Variants in MPZL2 observed in about 807,000 individuals in gnomAD.
MPZL2 encodes the protein myelin protein zero like 2.
Under a neutral mutation model 24.5 loss-of-function variants are expected in MPZL2, and 32 were observed. The observed-to-expected ratio is 1.31, with a 90% confidence interval of 0.99 to 1.76. The LOEUF is 1.76. Ranked by LOEUF, MPZL2 falls within the 40% of genes most tolerant of loss-of-function variation. The pLI is 0.00. For synonymous variants in MPZL2, 92 were observed against 97.9 expected, an observed-to-expected ratio of 0.94 and a Z score of 0.36; for missense variants, 304 against 274.9, an observed-to-expected ratio of 1.11 and a Z score of -0.75.
At position 118,257,326 on chromosome 11, in the gene MPZL2, G is replaced by C; in HGVS notation, c.585-13C>G. ...TTCCTCTTCTTTTCTGTAACAAGCA[G>C]AAACCAAATGTCAGGTGAACAAGAC... On this transcript the variant is annotated splice_polypyrimidine_tract_variant and intron_variant, in intron 4 of 5. Coordinates refer to ENST00000278937, the MANE Select transcript of MPZL2 (RefSeq NM_005797.4). 6.2e-7 allele frequency: 1 copy of C among 1,607,496 alleles called. No homozygotes were observed. The highest frequency in any genetic ancestry group is 8.5e-7 in the Non-Finnish European group (1 of 1,175,732).
At position 118,264,105 on chromosome 11, in the gene MPZL2, G is replaced by GTA; in HGVS notation, c.47_48dup (p.Gln17TyrfsTer9). On this transcript the variant is annotated frameshift_variant, in exon 1 of 6. Coordinates refer to ENST00000278937, the MANE Select transcript of MPZL2 (RefSeq NM_005797.4). LOFTEE classifies it high-confidence loss of function. ...GCCCGCCGGCTCTTACCTGTGAGCT[G>GTA]TATGCCAAGGAGAAGAAGCACCGCA... is the stretch of plus-strand genomic sequence containing the variant. 1 of 1,614,112 alleles carries GTA rather than the reference G, an allele frequency of 6.2e-7. No homozygotes were observed. Among genetic ancestry groups the GTA allele is most frequent in the East Asian group, 2.2e-5 (1 of 44,866 alleles).
At chr11:118,261,265 TATGA>T (rs751869785) in intron 3 of MPZL2, among the ~76,000 whole-genome samples, 2 of 152,202 alleles carry the variant, frequency 1.3e-5, no homozygotes, top group Non-Finnish European at 2.9e-5. Context: ...TAAACTGTAC[TATGA>T]ATGAAAGGAA....
chr11:118,262,509 G>A lies in MPZL2; in HGVS notation c.365C>T (p.Thr122Ile), dbSNP rs1038575357. The A allele has an allele frequency of 6.2e-7, 1 of 1,614,200 alleles. No individual in the cohort carries two copies. The highest frequency in any genetic ancestry group is 8.5e-7 in the Non-Finnish European group (1 of 1,180,026). Reference sequence around the variant, plus strand: ...ATCAGGTGGGTTCTTCACCTGGCAGGTGTATGTCCCATTGTCGTCGAACTG... The same window carrying A: ...ATCAGGTGGGTTCTTCACCTGGCAGATGTATGTCCCATTGTCGTCGAACTG... ...KLQFDDNGTYTCQVKNPPDVD... is the reference protein window; with the variant it reads ...KLQFDDNGTYICQVKNPPDVD... Residue 122 changes from threonine to isoleucine, a missense_variant, in exon 3 of 6, where the codon ACC (threonine) becomes ATC (isoleucine). Transcript: ENST00000278937.
At chr11:118,259,448 T>C (rs377257082) in intron 4 of MPZL2, 1 of 152,358 alleles carries the variant, frequency 6.6e-6, no homozygotes, top group East Asian at 1.9e-4. Flanking sequence ...AAATGAAATG[T>C]CCAGAATAAG....
chr11:118,255,780 C>G (rs1949656037), intron 5 of MPZL2, among the ~76,000 whole-genome samples: 1 of 152,094 alleles, frequency 6.6e-6, no homozygotes, highest in Non-Finnish European at 1.5e-5. Context: ...ATCACTATAC[C>G]TAATACAAAC....
intron 4 of MPZL2, chr11:118,259,803 A>C: frequency 2.7e-6 from 1 of 368,382 alleles, no homozygotes; most frequent in Non-Finnish European, 4.9e-6. Context: ...AAAGCTTTAC[A>C]TAGCACATTT....
chr11:118,260,098 T>A lies in MPZL2; in HGVS notation c.540A>T (p.Lys180Asn). ...IVVVLFQHYR[K>N]KRWAERAHKV... ...TATGAGCTCTTTCGGCCCATCGCTT[T>A]TTCCGGTAATGCTGGAAGAGGACCA... The change falls in exon 4 of 6, where the codon AAA (lysine) becomes AAT (asparagine). Residue 180 changes from lysine (K) to asparagine (N), a missense_variant. Physicochemically the swap from Lys to Asn is moderately conservative, Grantham distance 94 (BLOSUM62 0). Transcript: ENST00000278937. 6.2e-7 allele frequency: 1 copy of A among 1,614,116 alleles called. No individual in the cohort carries two copies. The highest frequency in any genetic ancestry group is 1.1e-5 in the South Asian group (1 of 91,078).
intron 5 of MPZL2, among the ~76,000 whole-genome samples, chr11:118,256,152 C>T (rs1309602311): frequency 6.6e-6 from 1 of 151,878 alleles, no homozygotes; most frequent in African/African-American, 2.4e-5. Flanking sequence ...GAGCTTTAGC[C>T]TATAAAAATG....
At position 118,260,124 on chromosome 11, in the gene MPZL2, C is replaced by G. The variant is rs1236439994; in HGVS notation, c.514G>C (p.Val172Leu). 1 of 1,614,060 alleles carries G rather than the reference C, an allele frequency of 6.2e-7. No individual in the cohort carries two copies. The highest frequency in any genetic ancestry group is 8.5e-7 in the Non-Finnish European group (1 of 1,179,960). ...CALMIIIVIV[V>L]VLFQHYRKKR... The stretch of plus-strand genomic sequence containing the variant: ...TTCCGGTAATGCTGGAAGAGGACCA[C>G]TACAATTACTATTATGATCATCAGT... The change falls in exon 4 of 6, where the codon GTG (valine) becomes CTG (leucine). Residue 172 changes from valine to leucine, a missense_variant. By Grantham distance (32) the Val-to-Leu change is conservative. Transcript: ENST00000278937.
chr11:118,262,461 A>G lies in MPZL2; in HGVS notation c.413T>C (p.Ile138Thr). 6.2e-7 allele frequency: 1 copy of G among 1,613,942 alleles called. No individual in the cohort carries two copies. The highest frequency in any genetic ancestry group is 8.5e-7 in the Non-Finnish European group (1 of 1,179,996). Residue 138 changes from isoleucine (I) to threonine (T), a missense_variant, in exon 3 of 6, where the codon ATC (isoleucine) becomes ACC (threonine). Physicochemically the swap from Ile to Thr is moderately conservative, Grantham distance 89 (BLOSUM62 -1). Transcript: ENST00000278937. ...ACCAGTGTGCACGACGCTGAGCCGG[A>G]TCTCCCCTATCACCCCATCAACATC... ...PPDVDGVIGE[I>T]RLSVVHTVRF...
At chr11:118,262,155 G>T (rs954523773) in intron 3 of MPZL2, among the ~76,000 whole-genome samples, 3 of 152,152 alleles carry the variant, frequency 2.0e-5, no homozygotes, top group South Asian at 2.1e-4. Flanking sequence ...TTTCATCAAA[G>T]AATTGCTCCC....
intron 5 of MPZL2, among the ~76,000 whole-genome samples, 184 bp from the exon 6 acceptor site, chr11:118,255,417 T>G (rs1486823986): frequency 6.6e-6 from 1 of 152,210 alleles, no homozygotes; most frequent in African/African-American, 2.4e-5. Context: ...ATTTTCAGAG[T>G]TAGTATCCTT....
intron 4 of MPZL2, chr11:118,259,684 C>T (rs1949685849): frequency 6.3e-6 from 1 of 159,820 alleles, no homozygotes; most frequent in Non-Finnish European, 1.4e-5. Context: ...CACCTGCTAT[C>T]AGCACAACAG....
At chr11:118,263,463 A>T (rs1949718109) in intron 1 of MPZL2, among the ~76,000 whole-genome samples, 1 of 152,250 alleles carries the variant, frequency 6.6e-6, no homozygotes, top group Non-Finnish European at 1.5e-5. Flanking sequence ...CATTGATTAG[A>T]CATTACATTA....
rs1296238967 is a variant in MPZL2, at chr11:118,254,760, C to T, written c.*486G>A. 1 of 152,190 alleles carries T rather than the reference C, an allele frequency of 6.6e-6. No homozygotes were observed. The highest frequency in any genetic ancestry group is 1.9e-4 in the East Asian group (1 of 5,200). 9.4% of individuals were successfully genotyped at this position (152,190 alleles called of 1,614,324 possible). A position where few individuals can be genotyped will look rare whatever the true frequency, so the allele number is the denominator to read the frequency against. ...TTTAACAGTTTGAATTTAGGATTTA[C>T]TGTTAATCAGAAACACCGAGGAGGC... On this transcript the variant is annotated 3_prime_UTR_variant, in exon 6 of 6. Transcript: ENST00000278937.
Position 118,257,279 on chromosome 11 carries a change from C to G in MPZL2, c.619G>C (p.Val207Leu), listed in dbSNP as rs778368193. 1.2e-5 allele frequency: 20 copies of G among 1,611,744 alleles called. No homozygotes were observed. The highest frequency in any genetic ancestry group is 1.7e-4 in the Middle Eastern group (1 of 6,056). Residue 207 changes from valine to leucine, a missense_variant, in exon 5 of 6, where the codon GTC becomes CTC. By Grantham distance (32) the Val-to-Leu change is conservative. Transcript: ENST00000278937. ...TCTGTGTCTTCTAAATAAACAGAGACCTTTTTCTCTTGGTTGAGCCTTTCC... is the reference window on the plus strand; with the variant it reads ...TCTGTGTCTTCTAAATAAACAGAGAGCTTTTTCTCTTGGTTGAGCCTTTCC... ...EEERLNQEKK[V>L]SVYLEDTD
intron 4 of MPZL2, chr11:118,259,849 C>A: frequency 1.9e-6 from 1 of 521,066 alleles, no homozygotes; most frequent in South Asian, 3.6e-5. Flanking sequence ...TAAAGAAATC[C>A]CATAAGGAAA....
Position 118,255,101 on chromosome 11 carries a change from G to A in MPZL2, c.*145C>T, listed in dbSNP as rs1465320922. On this transcript the variant is annotated 3_prime_UTR_variant, in exon 6 of 6. Coordinates refer to ENST00000278937, the MANE Select transcript of MPZL2 (RefSeq NM_005797.4). ...GGAGCACTGTGCTGGCTCCAGAGGG[G>A]TGTTGCTTGTCTAGAATCTAATATG... is the stretch of plus-strand genomic sequence containing the variant. 6.6e-6 allele frequency: 1 copy of A among 152,190 alleles called. No individual in the cohort carries two copies. Among genetic ancestry groups the A allele is most frequent in the East Asian group, 1.9e-4 (1 of 5,206 alleles). 9.4% of individuals were successfully genotyped at this position (152,190 alleles called of 1,614,324 possible).
chr11:118,254,030 T>C lies in MPZL2; in HGVS notation c.*1216A>G, dbSNP rs1949647303. On this transcript the variant is annotated 3_prime_UTR_variant, in exon 6 of 6. Coordinates refer to ENST00000278937, the MANE Select transcript of MPZL2 (RefSeq NM_005797.4). ...CTTGAGCCTAAACTTTTAGATGCTT[T>C]CTATCCTTTGAACAAATGCTTCTGT... 6.6e-6 allele frequency: 1 copy of C among 152,596 alleles called. No homozygotes were observed. The highest frequency in any genetic ancestry group is 1.5e-5 in the Non-Finnish European group (1 of 68,008). The allele number at this position is 152,596 out of a possible 1,614,324, so 9.5% of individuals were successfully genotyped here. A position where few individuals can be genotyped will look rare whatever the true frequency, so the allele number is the denominator to read the frequency against.
Sources: allele counts gnomAD v4.1 joint callset (sites outside exome capture counted in the v4.1 genomes callset), GRCh38; gene constraint gnomAD v4.1.1; transcripts MANE v1.5; gene names NCBI Gene and HGNC (gene_info 2026-07-23, HGNC 2026-07-21).